The following CDH13 variants were observed in gnomAD, a reference collection of about 807,000 sequenced individuals.
The protein encoded by CDH13 is cadherin-13.
A neutral mutation model predicts 63.8 loss-of-function variants in CDH13; 24 were observed. The observed-to-expected ratio is 0.38, with a 90% confidence interval of 0.27 to 0.53. The LOEUF is 0.53. Ranked by LOEUF, CDH13 falls within the 20% of genes least tolerant of loss-of-function variation. The probability of loss-of-function intolerance (pLI) is 0.85; values close to 1 mark genes in which losing one functional copy is unlikely to be tolerated. For synonymous variants in CDH13, 503 were observed against 355.3 expected (o/e 1.42, Z -4.67); for missense variants, 1,049 against 903.1 (o/e 1.16, Z -2.07).
chr16:83,142,171 T>TG (rs2151677725), intron 4 of CDH13, among the ~76,000 whole-genome samples: 1 of 148,286 alleles, frequency 6.7e-6, no homozygotes, highest in African/African-American at 2.6e-5. Context: ...TTTTTTTTTT[T>TG]TTTTTTTTGA....
chr16:82,866,428 G>T (rs147051880), intron 2 of CDH13, among the ~76,000 whole-genome samples: 3 of 104,350 alleles, frequency 2.9e-5, no homozygotes, highest in South Asian at 6.8e-4. Context: ...TCACTTTGTC[G>T]CCCAGGCTGG....
At chr16:82,880,993 A>G (rs2040683012) in intron 2 of CDH13, among the ~76,000 whole-genome samples, 1 of 152,214 alleles carries the variant, frequency 6.6e-6, no homozygotes, top group African/African-American at 2.4e-5. Flanking sequence ...CGTGGTGTCT[A>G]GTGTCTCTTC....
At chr16:82,816,704 A>T (rs182516701) in intron 1 of CDH13, among the ~76,000 whole-genome samples, 10 of 141,694 alleles carry the variant, frequency 7.1e-5, no homozygotes, top group African/African-American at 2.3e-4. Context: ...AAAAACGAAG[A>T]TGTGAAAAAT....
At chr16:82,814,053 C>T (rs935839725) in intron 1 of CDH13, among the ~76,000 whole-genome samples, 1 of 152,074 alleles carries the variant, frequency 6.6e-6, no homozygotes, top group Non-Finnish European at 1.5e-5. Context: ...ATGGTCTTGA[C>T]CCTGAGGGTT....
At chr16:82,996,048 A>G (rs1251146283) in intron 2 of CDH13, among the ~76,000 whole-genome samples, 1 of 152,096 alleles carries the variant, frequency 6.6e-6, no homozygotes, top group East Asian at 1.9e-4. Flanking sequence ...GTTTGTTCAT[A>G]TGGCTGTGCT....
intron 3 of CDH13, among the ~76,000 whole-genome samples, chr16:83,036,144 T>C (rs932264244): frequency 1.6e-4 from 5 of 32,170 alleles, no homozygotes; most frequent in Non-Finnish European, 2.6e-4. Flanking sequence ...AGCTCTCCTC[T>C]TTTTTTTTTT....
chr16:82,970,490 C>T (rs1005057108), intron 2 of CDH13, among the ~76,000 whole-genome samples: 1 of 119,658 alleles, frequency 8.4e-6, no homozygotes, highest in South Asian at 2.5e-4. Context: ...AGCTCCACTT[C>T]CCGGGTTCAC....
chr16:82,927,261 G>C (rs1428265355), intron 2 of CDH13, among the ~76,000 whole-genome samples: 1 of 152,160 alleles, frequency 6.6e-6, no homozygotes, highest in Non-Finnish European at 1.5e-5. Flanking sequence ...GGCAGTCATA[G>C]ATTCCCCTGA....
At chr16:82,907,757 G>C (rs2041696570) in intron 2 of CDH13, among the ~76,000 whole-genome samples, 1 of 152,286 alleles carries the variant, frequency 6.6e-6, no homozygotes, top group East Asian at 1.9e-4. Flanking sequence ...GACTGCTGTA[G>C]ATGATTCCTG....
chr16:82,704,643 C>G (rs1319891686), intron 1 of CDH13, among the ~76,000 whole-genome samples: 2 of 152,126 alleles, frequency 1.3e-5, no homozygotes, highest in African/African-American at 2.4e-5. Flanking sequence ...CTTTTCCTGG[C>G]CTGGGGGGTC....
chr16:83,118,085 C>G (rs2035394290), intron 3 of CDH13, among the ~76,000 whole-genome samples: 1 of 152,220 alleles, frequency 6.6e-6, no homozygotes, highest in Admixed American at 6.5e-5. Context: ...GGAAGCAAGG[C>G]TGGATGAGGC....
chr16:83,138,008 C>A (rs896844324), intron 4 of CDH13, among the ~76,000 whole-genome samples: 1 of 152,034 alleles, frequency 6.6e-6, no homozygotes, highest in Non-Finnish European at 1.5e-5. Flanking sequence ...AACAGTCCCT[C>A]CTGGGTATCT....
At chr16:83,417,718 C>A (rs2071592843) in intron 6 of CDH13, among the ~76,000 whole-genome samples, 1 of 152,158 alleles carries the variant, frequency 6.6e-6, no homozygotes, top group African/African-American at 2.4e-5. Flanking sequence ...AGCAGACAGG[C>A]TGTAGAGATA....
chr16:82,815,969 C>G (rs546435791), intron 1 of CDH13, among the ~76,000 whole-genome samples: 6 of 152,134 alleles, frequency 3.9e-5, no homozygotes, highest in African/African-American at 1.4e-4. Context: ...TGTTTTATTT[C>G]AGAATAAAAA....
chr16:82,787,143 C>G (rs2036054762), intron 1 of CDH13, among the ~76,000 whole-genome samples: 1 of 152,102 alleles, frequency 6.6e-6, no homozygotes, highest in Admixed American at 6.5e-5. Flanking sequence ...AGACTGTTTT[C>G]CATTGGGGCT....
intron 10 of CDH13, among the ~76,000 whole-genome samples, chr16:83,680,257 G>C (rs1915296146): frequency 6.6e-6 from 1 of 152,192 alleles, no homozygotes; most frequent in Admixed American, 6.5e-5. Context: ...CACATTCCCA[G>C]GGCAGCTCTG....
At position 83,722,841 on chromosome 16, in the gene CDH13, C is replaced by A. The variant is rs1459950510; in HGVS notation, c.1539-25267C>A. ...GAAAAGTGTATTGCTAAGACAGCAGCTTCATATTTCTCCCAGTCTTTATCA... is the reference window on the plus strand; with the variant it reads ...GAAAAGTGTATTGCTAAGACAGCAGATTCATATTTCTCCCAGTCTTTATCA... On this transcript the variant is annotated intron_variant, in intron 10 of 13. Coordinates refer to ENST00000567109, the MANE Select transcript of CDH13 (RefSeq NM_001257.5). Among the ~76,000 whole-genome samples the A allele has an allele frequency of 3.9e-5, 6 of 152,216 alleles. No homozygotes were observed. The East Asian group carries it at 5.8e-4, about 15-fold the overall frequency.
intron 10 of CDH13, among the ~76,000 whole-genome samples, chr16:83,744,626 A>G (rs1352389376): frequency 2.6e-5 from 4 of 152,290 alleles, no homozygotes; most frequent in Admixed American, 2.6e-4. Flanking sequence ...GAGTCACATC[A>G]GGGAGGACAC....
intron 2 of CDH13, among the ~76,000 whole-genome samples, chr16:82,952,638 G>C (rs1905458849): frequency 6.6e-6 from 1 of 152,166 alleles, no homozygotes; most frequent in Non-Finnish European, 1.5e-5. Context: ...ATTTTCTGTG[G>C]ATCAGATGAT....
Sources: allele counts gnomAD v4.1 joint callset (sites outside exome capture counted in the v4.1 genomes callset), GRCh38; gene constraint gnomAD v4.1.1; transcripts MANE v1.5; gene names NCBI Gene and HGNC (gene_info 2026-07-23, HGNC 2026-07-21).